Variants in KDM4C observed in about 807,000 individuals in gnomAD.
KDM4C encodes the protein lysine demethylase 4C.
A neutral mutation model predicts 129.3 loss-of-function variants in KDM4C; 81 were observed. The observed-to-expected ratio is 0.63, with a 90% CI of 0.52 to 0.75. KDM4C has a LOEUF of 0.75. Among genes scored for constraint, KDM4C ranks in the 30% least tolerant of loss-of-function variants. KDM4C has a pLI of 0.00. For missense variants in KDM4C, 1,457 were observed against 1,304.0 expected (o/e 1.12, Z -1.81); for synonymous variants, 573 against 456.1 (o/e 1.26, Z -3.26).
At chr9:6,826,206 G>C (rs1169207823) in intron 4 of KDM4C, among the ~76,000 whole-genome samples, 1 of 151,146 alleles carries the variant, frequency 6.6e-6, no homozygotes, top group Non-Finnish European at 1.5e-5. Context: ...GCTCGTACTA[G>C]GTGGATGGGT....
chr9:7,170,413 C>A, intron 21 of KDM4C: 1 of 989,860 alleles, frequency 1.0e-6, no homozygotes, highest in African/African-American at 1.7e-5. Flanking sequence ...ATAAACAAAG[C>A]CTAAATGCTA....
intron 18 of KDM4C, among the ~76,000 whole-genome samples, chr9:7,116,088 A>G (rs1189842027): frequency 6.6e-6 from 1 of 152,200 alleles, no homozygotes; most frequent in East Asian, 1.9e-4. Context: ...CTGAAATATC[A>G]TTTTGGCTCT....
At chr9:7,028,489 T>G (rs780426695) in intron 15 of KDM4C, among the ~76,000 whole-genome samples, 158 of 151,654 alleles carry the variant, frequency 1.0e-3, no homozygotes, top group Non-Finnish European at 2.1e-3. Context: ...TTACTCTCTC[T>G]TCTCCTCTCC....
chr9:7,080,955 T>A (rs772063329), intron 17 of KDM4C, among the ~76,000 whole-genome samples: 1 of 152,344 alleles, frequency 6.6e-6, no homozygotes, highest in South Asian at 2.1e-4. Flanking sequence ...AACAGGCCCT[T>A]AGTGATTCAC....
intron 15 of KDM4C, among the ~76,000 whole-genome samples, chr9:7,019,713 A>AAAAATATTATATTTATATATAT (rs1563992846): frequency 1.9e-5 from 2 of 105,368 alleles, no homozygotes; most frequent in African/African-American, 8.6e-5. Context: ...TTTTATATAT[A>AAAAATATTATATTTATATATAT]AAAATATAAT....
chr9:7,012,076 C>T (rs949539315), intron 13 of KDM4C, among the ~76,000 whole-genome samples, 197 bp downstream of exon 13: 6 of 152,044 alleles, frequency 3.9e-5, no homozygotes, highest in Non-Finnish European at 2.9e-5. Context: ...AGTACTTTAT[C>T]TTTTCCTTTT....
chr9:6,888,242 A>G (rs1375181375), intron 7 of KDM4C, among the ~76,000 whole-genome samples, 179 bp downstream of exon 7: 1 of 152,230 alleles, frequency 6.6e-6, no homozygotes, highest in Non-Finnish European at 1.5e-5. Flanking sequence ...TTTTATTTCA[A>G]ATATATTTAC....
intron 15 of KDM4C, among the ~76,000 whole-genome samples, chr9:7,033,728 A>G (rs1302769217): frequency 6.6e-6 from 1 of 152,252 alleles, no homozygotes; most frequent in African/African-American, 2.4e-5. Flanking sequence ...AACTGTATTC[A>G]TAAATAGCTT....
At chr9:7,161,813 C>A (rs1392100888) in intron 19 of KDM4C, among the ~76,000 whole-genome samples, 2 of 152,200 alleles carry the variant, frequency 1.3e-5, no homozygotes, top group Non-Finnish European at 2.9e-5. Context: ...AAATATCAAA[C>A]CTTTCAACTT....
At chr9:6,930,435 A>G (rs1326143075) in intron 8 of KDM4C, among the ~76,000 whole-genome samples, 1 of 143,232 alleles carries the variant, frequency 7.0e-6, no homozygotes, top group Non-Finnish European at 1.6e-5. Flanking sequence ...AGTGGCAGTT[A>G]TTTAAAAATG....
chr9:6,853,474 C>T (rs538830375), intron 5 of KDM4C, among the ~76,000 whole-genome samples: 5 of 152,028 alleles, frequency 3.3e-5, no homozygotes, highest in African/African-American at 4.8e-5. Flanking sequence ...GCCTGGACAA[C>T]GGAGGGAGAC....
chr9:6,752,815 G>C (rs1818117002), upstream of KDM4C, among the ~76,000 whole-genome samples: 1 of 152,042 alleles, frequency 6.6e-6, no homozygotes, highest in South Asian at 2.1e-4. Flanking sequence ...ATTATAATCA[G>C]AGACTTTATA....
At chr9:6,793,957 A>G (rs927860509) in intron 2 of KDM4C, among the ~76,000 whole-genome samples, 1 of 152,178 alleles carries the variant, frequency 6.6e-6, no homozygotes, top group African/African-American at 2.4e-5. Flanking sequence ...GAATTGTGCA[A>G]TCATTACCGC....
intron 17 of KDM4C, among the ~76,000 whole-genome samples, chr9:7,062,148 T>G (rs991166681): frequency 6.6e-6 from 1 of 152,174 alleles, no homozygotes; most frequent in Non-Finnish European, 1.5e-5. Flanking sequence ...TTTTGTATTT[T>G]TAGTAGAGAC....
intron 4 of KDM4C, among the ~76,000 whole-genome samples, chr9:6,825,794 C>T (rs894735072): frequency 6.6e-6 from 1 of 152,056 alleles, no homozygotes; most frequent in African/African-American, 2.4e-5. Flanking sequence ...AATATTGTGG[C>T]AAATCTTTTT....
chr9:6,755,832 T>C (rs1373070790), upstream of KDM4C, among the ~76,000 whole-genome samples: 1 of 152,224 alleles, frequency 6.6e-6, no homozygotes, highest in Non-Finnish European at 1.5e-5. Flanking sequence ...GTTGATTTTC[T>C]AGTAGGCTCT....
At chr9:7,090,769 C>G (rs1247550734) in intron 17 of KDM4C, among the ~76,000 whole-genome samples, 1 of 152,196 alleles carries the variant, frequency 6.6e-6, no homozygotes, top group Non-Finnish European at 1.5e-5. Flanking sequence ...GCATGTTTAT[C>G]TTTGACTCAC....
At chr9:6,976,544 G>A (rs574376647) in intron 8 of KDM4C, among the ~76,000 whole-genome samples, 2 of 152,220 alleles carry the variant, frequency 1.3e-5, no homozygotes, top group African/African-American at 4.8e-5. Flanking sequence ...ACAGTCCCAT[G>A]TTTTTATACC....
intron 18 of KDM4C, 105 bp downstream of exon 18, chr9:7,103,975 T>C (rs941443764): frequency 9.9e-7 from 1 of 1,010,974 alleles, no homozygotes; most frequent in Non-Finnish European, 1.5e-6. Context: ...ATATGACTCA[T>C]TGTTGACATG....
Sources: allele counts gnomAD v4.1 joint callset (sites outside exome capture counted in the v4.1 genomes callset), GRCh38; gene constraint gnomAD v4.1.1; transcripts MANE v1.5; gene names NCBI Gene and HGNC (gene_info 2026-07-23, HGNC 2026-07-21).